Variants in GDF5 observed in about 807,000 individuals in gnomAD.
The protein encoded by GDF5 is growth differentiation factor 5, also known as growth/differentiation factor 5.
GDF5 carries 17 observed loss-of-function variants against 34.6 expected under a neutral mutation model. The observed-to-expected ratio is 0.49, with a 90% CI of 0.34 to 0.74. The LOEUF (loss-of-function observed/expected upper bound fraction) is 0.74, where lower values mean the gene tolerates loss of function less well. Among genes scored for constraint, GDF5 ranks in the 30% least tolerant of loss-of-function variants. The pLI, the probability that GDF5 is intolerant of heterozygous loss-of-function variation, is 0.01. For synonymous variants in GDF5, 332 were observed against 290.7 expected, an observed-to-expected ratio of 1.14 and a Z score of -1.44; for missense variants, 616 against 661.2, an observed-to-expected ratio of 0.93 and a Z score of 0.75.
intron 1 of GDF5, among the ~76,000 whole-genome samples, chr20:35,444,079 T>G (rs2062506671): frequency 6.6e-6 from 1 of 152,184 alleles, no homozygotes; most frequent in African/African-American, 2.4e-5. Context: ...TTTCTTTATC[T>G]ACTTAACTAT....
At position 35,437,999 on chromosome 20, in the gene GDF5, A is replaced by G. The variant is rs1316911719; in HGVS notation, c.-71T>C. 1.3e-6 allele frequency: 2 copies of G among 1,572,430 alleles called. No individual in the cohort carries two copies. The highest frequency in any genetic ancestry group is 4.5e-5 in the East Asian group (2 of 44,090). ...GCGAAGGTGCCTCTGGTTTGGCAGGAAAAACCATGAAAGGAGTGGACTTTC... is the reference window on the plus strand; with the variant it reads ...GCGAAGGTGCCTCTGGTTTGGCAGGGAAAACCATGAAAGGAGTGGACTTTC... On this transcript the variant is annotated 5_prime_UTR_variant, in exon 1 of 2. Coordinates refer to ENST00000374369, the MANE Select transcript of GDF5 (RefSeq NM_000557.5).
At chr20:35,451,813 C>T (rs1427608067) in intron 1 of GDF5, among the ~76,000 whole-genome samples, 2 of 152,216 alleles carry the variant, frequency 1.3e-5, no homozygotes, top group African/African-American at 2.4e-5. Context: ...GGGTTACAGG[C>T]GTGAGCCACT....
intron 1 of GDF5, among the ~76,000 whole-genome samples, chr20:35,446,641 A>G (rs1336245781): frequency 1.3e-5 from 2 of 151,950 alleles, no homozygotes; most frequent in African/African-American, 2.4e-5. Flanking sequence ...TGTTTTTTTA[A>G]AAAAGATTCC....
chr20:35,446,885 T>C (rs2062515666), intron 1 of GDF5, among the ~76,000 whole-genome samples: 1 of 69,394 alleles, frequency 1.4e-5, no homozygotes, highest in African/African-American at 6.0e-5. Flanking sequence ...CCTTCTAATC[T>C]GTGGGGACTG....
At chr20:35,451,602 A>T in intron 1 of GDF5, among the ~76,000 whole-genome samples, 1 of 140,618 alleles carries the variant, frequency 7.1e-6, no homozygotes. Flanking sequence ...TTTTTTCGAG[A>T]CAGGGTCTTA....
chr20:35,434,722 C>T lies in GDF5; in HGVS notation c.693G>A (p.Lys231=), dbSNP rs767171771. 3.1e-6 allele frequency: 5 copies of T among 1,611,630 alleles called. No individual in the cohort carries two copies. The highest frequency in any genetic ancestry group is 2.7e-5 in the African/African-American group (2 of 74,924). The stretch of plus-strand genomic sequence containing the variant: ...GCAGCTCGGCCCCCAGCAGCCCATC[C>T]TTCTCCAGGGCACTAATGTCAAACA... The part of the protein sequence containing the change: ...RYVFDISALE[K]DGLLGAELRI... Residue 231 remains lysine (K), a synonymous_variant, in exon 2 of 2, where the codon AAG becomes AAA. Transcript: ENST00000374369.
intron 1 of GDF5, among the ~76,000 whole-genome samples, chr20:35,450,072 G>A (rs745997968): frequency 9.9e-5 from 15 of 151,824 alleles, no homozygotes; most frequent in Non-Finnish European, 1.6e-4. Flanking sequence ...GGAAGCCGAG[G>A]TGGGCGGATC....
chr20:35,442,132 CAT>C (rs1454991638), upstream of GDF5, among the ~76,000 whole-genome samples: 2 of 152,058 alleles, frequency 1.3e-5, no homozygotes, highest in Non-Finnish European at 2.9e-5. Context: ...TGAATCACCA[CAT>C]GTGGCCGAAA....
chr20:35,449,658 C>T (rs535119710), intron 1 of GDF5, among the ~76,000 whole-genome samples: 242 of 152,240 alleles, frequency 1.6e-3, no homozygotes, highest in African/African-American at 5.7e-3. Flanking sequence ...TTTTGGCACA[C>T]AGTAGGTGCT....
chr20:35,453,869 G>A (rs1375974345), intron 1 of GDF5: 1 of 532,692 alleles, frequency 1.9e-6, no homozygotes, highest in Non-Finnish European at 3.9e-6. Flanking sequence ...TTTGTACCAG[G>A]CCTTGTGCTG....
intron 1 of GDF5, among the ~76,000 whole-genome samples, chr20:35,454,442 G>C (rs1204067562): frequency 6.8e-6 from 1 of 147,860 alleles, no homozygotes; most frequent in African/African-American, 2.5e-5. Context: ...GACAGAGCAA[G>C]ACTCCATTTC....
chr20:35,433,784 G>T lies in GDF5; in HGVS notation c.*125C>A. 1 of 855,578 alleles carries T rather than the reference G, an allele frequency of 1.2e-6. No homozygotes were observed. Among genetic ancestry groups the T allele is most frequent in the Non-Finnish European group, 2.0e-6 (1 of 497,100 alleles). The allele number at this position is 855,578 out of a possible 1,614,324, so 53.0% of individuals were successfully genotyped here. A position where few individuals can be genotyped will look rare whatever the true frequency, so the allele number is the denominator to read the frequency against. ...CACTCAGAGAGCGAGCAAGCTTATT[G>T]GAATCCCCTTTCACCCAAGCTGTGT... On this transcript the variant is annotated 3_prime_UTR_variant, in exon 2 of 2. Coordinates refer to ENST00000374369, the MANE Select transcript of GDF5 (RefSeq NM_000557.5).
chr20:35,438,012 G>A lies in GDF5; in HGVS notation c.-84C>T. ...TGGTTTGGCAGGAAAAACCATGAAA[G>A]GAGTGGACTTTCAAAAGCAGCGGCA... is the stretch of plus-strand genomic sequence containing the variant. On this transcript the variant is annotated 5_prime_UTR_variant, in exon 1 of 2. Coordinates refer to ENST00000374369, the MANE Select transcript of GDF5 (RefSeq NM_000557.5). The A allele has an allele frequency of 6.6e-7, 1 of 1,514,458 alleles. No individual in the cohort carries two copies. The highest frequency in any genetic ancestry group is 9.1e-7 in the Non-Finnish European group (1 of 1,101,860). The allele number at this position is 1,514,458 out of a possible 1,614,324, so 93.8% of individuals were successfully genotyped here. A position where few individuals can be genotyped will look rare whatever the true frequency, so the allele number is the denominator to read the frequency against.
intron 1 of GDF5, among the ~76,000 whole-genome samples, chr20:35,443,875 A>G (rs1477314655): frequency 2.0e-5 from 3 of 151,622 alleles, no homozygotes; most frequent in African/African-American, 7.2e-5. Flanking sequence ...ACTGAGTGAT[A>G]ATAATAATAA....
intron 1 of GDF5, among the ~76,000 whole-genome samples, chr20:35,448,397 C>CAAAAAA (rs143351308): frequency 5.4e-5 from 6 of 110,522 alleles, no homozygotes; most frequent in African/African-American, 2.2e-4. Flanking sequence ...TTGTTTTTTT[C>CAAAAAA]AAAAAAAAAA....
At chr20:35,444,581 G>A (rs537973570) in intron 1 of GDF5, among the ~76,000 whole-genome samples, 1 of 152,058 alleles carries the variant, frequency 6.6e-6, no homozygotes, top group East Asian at 1.9e-4. Flanking sequence ...AAAGGGAGCT[G>A]GATTTTCTTT....
At chr20:35,447,955 A>AT (rs1417794241) in intron 1 of GDF5, among the ~76,000 whole-genome samples, 1 of 87,542 alleles carries the variant, frequency 1.1e-5, no homozygotes, top group South Asian at 2.9e-4. Flanking sequence ...TCTCTATAAA[A>AT]TAAAAAAAAA....
intron 1 of GDF5, among the ~76,000 whole-genome samples, chr20:35,448,814 A>G (rs1449204422): frequency 1.3e-5 from 2 of 152,164 alleles, no homozygotes; most frequent in African/African-American, 2.4e-5. Context: ...TTTATTGCCC[A>G]AGCCCTGAGT....
At chr20:35,453,843 C>A in intron 1 of GDF5, 1 of 519,376 alleles carries the variant, frequency 1.9e-6, no homozygotes, top group South Asian at 1.4e-5. Flanking sequence ...TCACTCAGCA[C>A]TTATTGAGCA....
Sources: allele counts gnomAD v4.1 joint callset (sites outside exome capture counted in the v4.1 genomes callset), GRCh38; gene constraint gnomAD v4.1.1; transcripts MANE v1.5; gene names NCBI Gene and HGNC (gene_info 2026-07-23, HGNC 2026-07-21).